IRF4: variants seen among roughly 807,000 people sequenced by gnomAD.
IRF4 encodes interferon regulatory factor 4, also known as lymphocyte-specific interferon regulatory factor.
IRF4 carries 13 observed loss-of-function variants against 55.5 expected under a neutral mutation model. The observed-to-expected ratio is 0.23, with a 90% CI of 0.15 to 0.37. The LOEUF (loss-of-function observed/expected upper bound fraction) is 0.37. IRF4 is among the 10% of genes least tolerant of loss of function. The pLI is 1.00. For missense variants in IRF4, 397 were observed against 593.8 expected, an observed-to-expected ratio of 0.67 and a Z score of 3.44; for synonymous variants, 249 against 240.7, an observed-to-expected ratio of 1.03 and a Z score of -0.32.
chr6:395,073 C>A, intron 3 of IRF4, 66 bp downstream of exon 3: 1 of 1,218,044 alleles, frequency 8.2e-7, no homozygotes, highest in Non-Finnish European at 1.1e-6. Context: ...ACCTTAACTT[C>A]ATTCTGAGCA....
chr6:394,220 T>G (rs1761197370), intron 2 of IRF4, among the ~76,000 whole-genome samples: 1 of 152,194 alleles, frequency 6.6e-6, no homozygotes, highest in Admixed American at 6.5e-5. Flanking sequence ...CAGCTGTCCT[T>G]AGTCCTAGGC....
In IRF4 at chr6:410,664, C is replaced by A. The variant is rs1464022959; in HGVS notation, c.*3066C>A. 4.3e-6 allele frequency: 1 copy of A among 231,706 alleles called. No individual in the cohort carries two copies. Among genetic ancestry groups the A allele is most frequent in the African/African-American group, 2.2e-5 (1 of 45,226 alleles). The allele number at this position is 231,706 out of a possible 1,614,324, so 14.4% of individuals were successfully genotyped here. A position where few individuals can be genotyped will look rare whatever the true frequency, so the allele number is the denominator to read the frequency against. ...TTTGTTGATGCTCCGCCAGGAAGGC[C>A]ACTTGTGTGTGCGTGTCAGTTACTT... On this transcript the variant is annotated 3_prime_UTR_variant, in exon 9 of 9. Coordinates refer to ENST00000380956, the MANE Select transcript of IRF4 (RefSeq NM_002460.4).
intron 5 of IRF4, among the ~76,000 whole-genome samples, chr6:398,461 G>A (rs2127438634): frequency 6.6e-6 from 1 of 152,306 alleles, no homozygotes; most frequent in East Asian, 1.9e-4. Flanking sequence ...GGGCTCTTTG[G>A]CACAGACTCA....
At chr6:396,219 A>AG (rs1305322189) in intron 4 of IRF4, 1 of 466,592 alleles carries the variant, frequency 2.1e-6, no homozygotes, top group Non-Finnish European at 3.8e-6. Context: ...AGATTTTGGA[A>AG]GTAGTGCCTT....
intron 6 of IRF4, among the ~76,000 whole-genome samples, chr6:400,762 C>T (rs1761375312): frequency 6.8e-6 from 1 of 146,708 alleles, no homozygotes; most frequent in African/African-American, 2.5e-5. Context: ...AATAATTAAG[C>T]ACCTAATTCT....
chr6:392,850 A>AG (rs1761143219), intron 1 of IRF4, among the ~76,000 whole-genome samples: 1 of 152,066 alleles, frequency 6.6e-6, no homozygotes, highest in Non-Finnish European at 1.5e-5. Flanking sequence ...GCGTTACAGG[A>AG]GAGCAGGCGG....
chr6:393,035 G>A lies in IRF4; in HGVS notation c.-55-63G>A. 1 of 929,346 alleles carries A rather than the reference G, an allele frequency of 1.1e-6. No individual in the cohort carries two copies. 57.6% of individuals were successfully genotyped at this position (929,346 alleles called of 1,614,324 possible). ...GGGCCTCGTGGTCACTGGCGCAGGGGATCGGGGCGGGGTGCCCGGAGTGCG... is the reference window on the plus strand; with the variant it reads ...GGGCCTCGTGGTCACTGGCGCAGGGAATCGGGGCGGGGTGCCCGGAGTGCG... On this transcript the variant is annotated intron_variant, in intron 1 of 8. Transcript: ENST00000380956. This position sits in a 1 kb window ranked among gnomAD's most constrained non-coding sequence, Gnocchi z 5.4.
rs554949295 is a variant in IRF4, at chr6:410,250, C to G, written c.*2652C>G. 1 of 228,734 alleles carries G rather than the reference C, an allele frequency of 4.4e-6. No homozygotes were observed. The highest frequency in any genetic ancestry group is 1.8e-4 in the South Asian group (1 of 5,480). The allele number at this position is 228,734 out of a possible 1,614,324, so 14.2% of individuals were successfully genotyped here. A position where few individuals can be genotyped will look rare whatever the true frequency, so the allele number is the denominator to read the frequency against. Reference sequence around the variant, plus strand: ...ATGTATGTGTCTCCCAGGTGCATTTCTTGGTTTATGTCTTGTTCTTGAGAT... The same window carrying G: ...ATGTATGTGTCTCCCAGGTGCATTTGTTGGTTTATGTCTTGTTCTTGAGAT... On this transcript the variant is annotated 3_prime_UTR_variant, in exon 9 of 9. Coordinates refer to ENST00000380956, the MANE Select transcript of IRF4 (RefSeq NM_002460.4).
chr6:399,777 C>T (rs558483455), intron 6 of IRF4, among the ~76,000 whole-genome samples: 13 of 152,158 alleles, frequency 8.5e-5, no homozygotes, highest in Non-Finnish European at 1.6e-4. Context: ...TTTTGCTGCT[C>T]AGAGGGGAGC....
chr6:395,238 T>TA (rs567666072), intron 3 of IRF4, among the ~76,000 whole-genome samples: 3 of 144,538 alleles, frequency 2.1e-5, no homozygotes, highest in African/African-American at 8.0e-5. Flanking sequence ...TCAATGTATA[T>TA]GGGGGGGGGT....
chr6:396,160 G>C (rs1761252153), intron 4 of IRF4: 2 of 544,124 alleles, frequency 3.7e-6, no homozygotes, highest in South Asian at 2.3e-5. Context: ...CCGCCTGTTG[G>C]AATATGCTTC....
At chr6:400,623 A>C (rs1163250645) in intron 6 of IRF4, among the ~76,000 whole-genome samples, 1 of 152,224 alleles carries the variant, frequency 6.6e-6, no homozygotes, top group African/African-American at 2.4e-5. Context: ...ACTAATTTAA[A>C]AATCAGAAAA....
chr6:408,112 G>C lies in IRF4; in HGVS notation c.*514G>C, dbSNP rs1761598982. On this transcript the variant is annotated 3_prime_UTR_variant, in exon 9 of 9. Coordinates refer to ENST00000380956, the MANE Select transcript of IRF4 (RefSeq NM_002460.4). ...AATTTGTTGTAGATTAGGTCTTGCTGGAAGACAGAGAAAACTTGCCTTTCA... is the reference window on the plus strand; with the variant it reads ...AATTTGTTGTAGATTAGGTCTTGCTCGAAGACAGAGAAAACTTGCCTTTCA... 1 of 240,802 alleles carries C rather than the reference G, an allele frequency of 4.2e-6. No individual in the cohort carries two copies. The highest frequency in any genetic ancestry group is 6.0e-5 in the East Asian group (1 of 16,670). 14.9% of individuals were successfully genotyped at this position (240,802 alleles called of 1,614,324 possible). A position where few individuals can be genotyped will look rare whatever the true frequency, so the allele number is the denominator to read the frequency against.
In IRF4 at chr6:393,239, C is replaced by T; in HGVS notation, c.87C>T (p.Ile29=). The T allele has an allele frequency of 6.3e-7, 1 of 1,579,740 alleles. No homozygotes were observed. Among genetic ancestry groups the T allele is most frequent in the Non-Finnish European group, 8.6e-7 (1 of 1,162,720 alleles). Residue 29 remains isoleucine (I), a synonymous_variant, in exon 2 of 9, where the codon ATC becomes ATT. Transcript: ENST00000380956. The surrounding 1 kb of genome is among the most constrained non-coding windows in gnomAD (Gnocchi z 5.4). ...CGNGKLRQWL[I]DQIDSGKYPG... The stretch of plus-strand genomic sequence containing the variant: ...ACGGGAAGCTCCGCCAGTGGCTGAT[C>T]GACCAGATCGACAGCGGCAAGTACC...
rs1362858081 is a variant in IRF4 at position 409,568 on chromosome 6, C to T, written c.*1970C>T. 4.5e-6 allele frequency: 1 copy of T among 220,676 alleles called. No individual in the cohort carries two copies. Among genetic ancestry groups the T allele is most frequent in the Non-Finnish European group, 9.1e-6 (1 of 109,934 alleles). The allele number at this position is 220,676 out of a possible 1,614,324, so 13.7% of individuals were successfully genotyped here. A position where few individuals can be genotyped will look rare whatever the true frequency, so the allele number is the denominator to read the frequency against. ...CTGTGGAGCTCCACTGCCATGTACC[C>T]AGTAGGGTTTGACATTTCATTAGCC... On this transcript the variant is annotated 3_prime_UTR_variant, in exon 9 of 9. Coordinates refer to ENST00000380956, the MANE Select transcript of IRF4 (RefSeq NM_002460.4).
intron 4 of IRF4, among the ~76,000 whole-genome samples, chr6:396,386 A>T (rs1056591681): frequency 3.3e-5 from 5 of 152,256 alleles, no homozygotes; most frequent in African/African-American, 4.8e-5. Context: ...ATAAAACAGT[A>T]CAAGTATCTC....
At chr6:399,557 C>T (rs1761349493) in intron 6 of IRF4, among the ~76,000 whole-genome samples, 1 of 150,368 alleles carries the variant, frequency 6.7e-6, no homozygotes, top group Non-Finnish European at 1.5e-5. Context: ...ATAAAGAAGG[C>T]ACCTCTAGGC....
chr6:394,158 GCCT>G (rs2127436627), intron 2 of IRF4, among the ~76,000 whole-genome samples: 1 of 152,232 alleles, frequency 6.6e-6, no homozygotes, highest in Non-Finnish European at 1.5e-5. Context: ...CTCTCAGAGT[GCCT>G]CAGCTGTGCT....
chr6:405,792 T>C (rs1581231181), intron 8 of IRF4, among the ~76,000 whole-genome samples: 1 of 152,214 alleles, frequency 6.6e-6, no homozygotes, highest in Non-Finnish European at 1.5e-5. Context: ...TAGAGTTTTC[T>C]TTTTTATGAG....
Sources: gnomAD v4.1 joint callset for allele counts (sites outside exome capture counted in the v4.1 genomes callset) on GRCh38, gnomAD v4.1.1 for gene constraint, Gnocchi (gnomAD v3.1) non-coding constraint, MANE v1.5 for transcripts, NCBI Gene and HGNC (gene_info 2026-07-23, HGNC 2026-07-21) for gene names.